The following DPH7 variants were observed in gnomAD, a reference collection of about 807,000 sequenced individuals.
DPH7 encodes diphthamide biosynthesis 7, also known as diphthine methyltransferase.
DPH7 carries 44 observed loss-of-function variants against 41.7 expected under a neutral mutation model. That is an observed-to-expected ratio of 1.05 (90% CI 0.83 to 1.36). The LOEUF is 1.36. Among genes scored for constraint, DPH7 ranks in the 40% most tolerant of loss-of-function variants. The pLI, the probability that DPH7 is intolerant of heterozygous loss-of-function variation, is 0.00. For synonymous variants in DPH7, 275 were observed against 238.0 expected (o/e 1.16, Z -1.43); for missense variants, 629 against 577.5 (o/e 1.09, Z -0.91).
At position 137,562,329 on chromosome 9, in the gene DPH7, T is replaced by G. The variant is rs571216860; in HGVS notation, c.949+2105A>C. ...GGGCACTCCCCAGCAGAGACCACAC[T>G]CTAGGCCACAAAACTAATCTCAGTA... On this transcript the variant is annotated intron_variant, in intron 8 of 8. Transcript: ENST00000277540. 1.5e-3 allele frequency among the ~76,000 whole-genome samples: 228 copies of G among 152,196 alleles called. 1 individual carries two copies. The highest frequency in any genetic ancestry group is 5.3e-3 in the African/African-American group (222 of 41,516).
chr9:137,555,572 C>T lies in DPH7; in HGVS notation c.1026G>A (p.Trp342Ter), dbSNP rs1837353610. The T allele has an allele frequency of 6.2e-7, 1 of 1,613,676 alleles. No homozygotes were observed. Among genetic ancestry groups the T allele is most frequent in the Non-Finnish European group, 8.5e-7 (1 of 1,179,960 alleles). The change falls in exon 9 of 9, where the codon TGG (tryptophan) becomes TGA (stop). Residue 342 changes from tryptophan to a stop codon, truncating the protein, a stop_gained. Coordinates refer to ENST00000277540, the MANE Select transcript of DPH7 (RefSeq NM_138778.5). LOFTEE classifies it low-confidence loss of function (END_TRUNC). ...DSLVYGADWS[W>*]LLFRSLQRAP... ...CCCGCTGCAGAGAACGGAAGAGCAGCCAGGACCAGTCGGCTCCATACACCA... is the reference window on the plus strand; with the variant it reads ...CCCGCTGCAGAGAACGGAAGAGCAGTCAGGACCAGTCGGCTCCATACACCA...
intron 1 of DPH7, 40 bp from the exon 2 acceptor site, chr9:137,577,643 C>T (rs770850159): frequency 6.2e-7 from 1 of 1,601,898 alleles, no homozygotes; most frequent in South Asian, 1.1e-5. Context: ...TATCCCAAGA[C>T]ACGAAGGAAC....
chr9:137,577,944 T>C (rs1841714517), intron 1 of DPH7: 1 of 983,500 alleles, frequency 1.0e-6, no homozygotes, highest in Non-Finnish European at 1.2e-6. Context: ...AGTTAAGATA[T>C]AATTCCCACT....
At chr9:137,577,730 G>C in intron 1 of DPH7, 127 bp from the exon 2 acceptor site, 1 of 1,252,154 alleles carries the variant, frequency 8.0e-7, no homozygotes, top group South Asian at 1.5e-5. Context: ...CCTGGAAGGA[G>C]AACCTCTGGT....
chr9:137,570,657 C>T (rs988406165), intron 5 of DPH7, among the ~76,000 whole-genome samples: 2 of 152,216 alleles, frequency 1.3e-5, no homozygotes, highest in Non-Finnish European at 2.9e-5. Flanking sequence ...TTCCTGGAGC[C>T]TGCACGGCCC....
intron 8 of DPH7, 90 bp from the exon 9 acceptor site, chr9:137,555,738 C>G (rs186453380): frequency 3.9e-5 from 55 of 1,394,254 alleles, no homozygotes; most frequent in Non-Finnish European, 5.2e-5. Flanking sequence ...ACTCCAAGAA[C>G]AGCCCCTCAC....
intron 8 of DPH7, among the ~76,000 whole-genome samples, chr9:137,557,996 C>T (rs932060297): frequency 2.6e-5 from 4 of 151,950 alleles, no homozygotes; most frequent in African/African-American, 4.8e-5. Flanking sequence ...ATTAGCCAGG[C>T]GTGGTGGCAC....
chr9:137,569,588 C>T (rs558833546), intron 5 of DPH7, among the ~76,000 whole-genome samples: 8 of 138,692 alleles, frequency 5.8e-5, no homozygotes, highest in Non-Finnish European at 1.2e-4. Context: ...ATCCACCCCC[C>T]GTCTATCAAG....
Position 137,555,562 on chromosome 9 carries a change from G to T in DPH7, c.1036C>A (p.Arg346Ser), listed in dbSNP as rs142602479. The T allele has an allele frequency of 4.3e-6, 7 of 1,613,780 alleles. No individual in the cohort carries two copies. The highest frequency in any genetic ancestry group is 5.1e-6 in the Non-Finnish European group (6 of 1,179,994). The change falls in exon 9 of 9, where the codon CGT becomes AGT. Residue 346 changes from arginine to serine, a missense_variant. Coordinates refer to ENST00000277540, the MANE Select transcript of DPH7 (RefSeq NM_138778.5). ...CACGAGGGGGCCCGCTGCAGAGAAC[G>T]GAAGAGCAGCCAGGACCAGTCGGCT... ...YGADWSWLLF[R>S]SLQRAPSWSF...
Position 137,577,479 on chromosome 9 carries a change from T to C in DPH7, c.278A>G (p.Asp93Gly), listed in dbSNP as rs978722013. The C allele has an allele frequency of 6.2e-7, 1 of 1,613,856 alleles. No individual in the cohort carries two copies. The highest frequency in any genetic ancestry group is 8.5e-7 in the Non-Finnish European group (1 of 1,179,946). ...VQRKDTSAIL[D>G]MKWCHIPVAG... is the part of the protein sequence containing the mutation. Reference sequence around the variant, plus strand: ...ATTATCACAGTTATACCATTTCATGTCCAGGATTGCAGAAGTATCTTTTCT... The same window carrying C: ...ATTATCACAGTTATACCATTTCATGCCCAGGATTGCAGAAGTATCTTTTCT... The change falls in exon 2 of 9, where the codon GAC becomes GGC. Residue 93 changes from aspartate (D) to glycine (G), a missense_variant. Asp to Gly is a moderately conservative substitution (Grantham distance 94). Coordinates refer to ENST00000277540, the MANE Select transcript of DPH7 (RefSeq NM_138778.5).
intron 8 of DPH7, among the ~76,000 whole-genome samples, chr9:137,557,680 A>G (rs1837757083): frequency 6.6e-6 from 1 of 151,536 alleles, no homozygotes; most frequent in African/African-American, 2.4e-5. Flanking sequence ...TTAGCCAGGC[A>G]TGATGGCGCA....
At chr9:137,565,311 G>A (rs866533207) in intron 5 of DPH7, 157 bp from the exon 6 acceptor site, 1 of 155,116 alleles carries the variant, frequency 6.4e-6, no homozygotes, top group African/African-American at 9.6e-5. Context: ...CTGGGTGACT[G>A]TCTGTGAGGA....
intron 3 of DPH7, 55 bp from the exon 4 acceptor site, chr9:137,574,898 A>C: frequency 6.2e-7 from 1 of 1,606,434 alleles, no homozygotes; most frequent in South Asian, 1.1e-5. Context: ...AGAACCCCCA[A>C]AAGACTTTTC....
At chr9:137,570,555 C>T (rs910141495) in intron 5 of DPH7, among the ~76,000 whole-genome samples, 2 of 152,172 alleles carry the variant, frequency 1.3e-5, no homozygotes, top group East Asian at 1.9e-4. Flanking sequence ...AAGAGGTCAT[C>T]GCAAATTTTA....
intron 5 of DPH7, 149 bp from the exon 6 acceptor site, chr9:137,565,303 G>A: frequency 4.8e-6 from 1 of 210,304 alleles, no homozygotes; most frequent in Non-Finnish European, 8.2e-6. Context: ...AAGCTCCCCT[G>A]GGTGACTGTC....
rs1415392402 is a variant in DPH7, at chr9:137,556,305, G to A, written c.950-657C>T. ...GACGAGGCGTGGCCAAACCCGAGGC[G>A]ATCTGGAGTCCAGGAGGCAAGGCCA... On this transcript the variant is annotated intron_variant, in intron 8 of 8. Coordinates refer to ENST00000277540, the MANE Select transcript of DPH7 (RefSeq NM_138778.5). The surrounding 1 kb of genome is among the most constrained non-coding windows in gnomAD (Gnocchi z 5.2). 6.6e-6 allele frequency among the ~76,000 whole-genome samples: 1 copy of A among 152,210 alleles called. No homozygotes were observed. Among genetic ancestry groups the A allele is most frequent in the Non-Finnish European group, 1.5e-5 (1 of 68,044 alleles).
intron 8 of DPH7, among the ~76,000 whole-genome samples, chr9:137,558,564 A>G (rs1019845969): frequency 1.3e-5 from 2 of 152,202 alleles, no homozygotes; most frequent in African/African-American, 4.8e-5. Flanking sequence ...TATGTAAAGA[A>G]GCCGGATATA....
chr9:137,563,354 A>AC (rs904944655), intron 8 of DPH7, among the ~76,000 whole-genome samples: 7 of 151,678 alleles, frequency 4.6e-5, no homozygotes, highest in East Asian at 1.9e-4. Flanking sequence ...AACATGGTGA[A>AC]CCCCCCATCT....
Position 137,555,583 on chromosome 9 carries a change from C to G in DPH7, c.1015G>C (p.Asp339His), listed in dbSNP as rs759762863. The change falls in exon 9 of 9, where the codon GAC becomes CAC. Residue 339 changes from aspartate to histidine, a missense_variant. Transcript: ENST00000277540. ...TLPDSLVYGA[D>H]WSWLLFRSLQ... is the part of the protein sequence containing the mutation. Reference sequence around the variant, plus strand: ...GAACGGAAGAGCAGCCAGGACCAGTCGGCTCCATACACCAGCGAGTCGGGC... The same window carrying G: ...GAACGGAAGAGCAGCCAGGACCAGTGGGCTCCATACACCAGCGAGTCGGGC... 1 of 1,613,490 alleles carries G rather than the reference C, an allele frequency of 6.2e-7. No individual in the cohort carries two copies. Among genetic ancestry groups the G allele is most frequent in the Admixed American group, 1.7e-5 (1 of 59,980 alleles).
Sources: allele counts gnomAD v4.1 joint callset (sites outside exome capture counted in the v4.1 genomes callset), GRCh38; gene constraint gnomAD v4.1.1; non-coding constraint Gnocchi (gnomAD v3.1); transcripts MANE v1.5; gene names NCBI Gene and HGNC (gene_info 2026-07-23, HGNC 2026-07-21).